The following CASZ1 variants were observed in gnomAD, a reference collection of about 807,000 sequenced individuals.
CASZ1 encodes zinc finger protein castor homolog 1.
A neutral mutation model predicts 135.2 loss-of-function variants in CASZ1; 28 were observed. The observed-to-expected ratio is 0.21, with a 90% CI of 0.15 to 0.28. The LOEUF (loss-of-function observed/expected upper bound fraction) is 0.28, where lower values mean the gene tolerates loss of function less well. Ranked by LOEUF, CASZ1 falls within the 10% of genes least tolerant of loss-of-function variation. The pLI is 1.00. For synonymous variants in CASZ1, 1,068 were observed against 1,073.4 expected (o/e 0.99, Z 0.10); for missense variants, 2,161 against 2,453.3 (o/e 0.88, Z 2.52).
chr1:10,649,562 T>C (rs2124676520), intron 13 of CASZ1, 125 bp from the exon 14 acceptor site: 1 of 1,117,190 alleles, frequency 9.0e-7, no homozygotes, highest in Non-Finnish European at 1.3e-6. Context: ...CAGCAGAGAA[T>C]GCGGCCCGCC....
chr1:10,744,017 T>C (rs1383585367), intron 2 of CASZ1, among the ~76,000 whole-genome samples: 1 of 152,078 alleles, frequency 6.6e-6, no homozygotes, highest in Non-Finnish European at 1.5e-5. Flanking sequence ...CAAAATTTAA[T>C]ACACTTGGCA....
Position 10,665,334 on chromosome 1 carries a change from C to A in CASZ1, c.254G>T (p.Arg85Leu). ...GTTCACCCACTTCTCGATCACTGCCCGTCTCTTGTCTTCCTCGCTGCGGGG... is the reference window on the plus strand; with the variant it reads ...GTTCACCCACTTCTCGATCACTGCCAGTCTCTTGTCTTCCTCGCTGCGGGG... Reference protein sequence around the residue: ...RAPRSEEDKRRAVIEKWVNGE... With the variant: ...RAPRSEEDKRLAVIEKWVNGE... Residue 85 changes from arginine (R) to leucine (L), a missense_variant, in exon 5 of 21, where the codon CGG becomes CTG. Around this residue, in one of 7 missense-constraint regions of CASZ1, gnomAD observed 590 missense variants for 609.8 expected, o/e 0.97. Transcript: ENST00000377022. 1 of 1,612,190 alleles carries A rather than the reference C, an allele frequency of 6.2e-7. No homozygotes were observed. The highest frequency in any genetic ancestry group is 8.5e-7 in the Non-Finnish European group (1 of 1,178,750).
At chr1:10,660,844 C>G (rs929306864) in intron 5 of CASZ1, 1 of 404,456 alleles carries the variant, frequency 2.5e-6, no homozygotes, top group South Asian at 3.3e-5. Flanking sequence ...TGTCTCCGCT[C>G]TCTCGCCTTG....
At chr1:10,695,007 G>T (rs1202632096) in intron 3 of CASZ1, among the ~76,000 whole-genome samples, 1 of 148,480 alleles carries the variant, frequency 6.7e-6, no homozygotes, top group Admixed American at 6.7e-5. Context: ...ACTTTTCCGC[G>T]AGGGCGGGCG....
rs1282851315 is a variant in CASZ1, at chr1:10,725,215, C to T, written c.-76-19671G>A. Among the ~76,000 whole-genome samples, 7 of 152,202 alleles carry T rather than the reference C, an allele frequency of 4.6e-5. No homozygotes were observed. The East Asian group carries it at 1.3e-3, about 29-fold the overall frequency. Reference sequence around the variant, plus strand: ...GTGACCATGTCACTGCCCAGGGCAGCCCGGTGACCGTGGACACAGGGCGGC... The same window carrying T: ...GTGACCATGTCACTGCCCAGGGCAGTCCGGTGACCGTGGACACAGGGCGGC... On this transcript the variant is annotated intron_variant, in intron 2 of 20. Transcript: ENST00000377022. The surrounding 1 kb of genome is among the most constrained non-coding windows in gnomAD (Gnocchi z 4.4).
At chr1:10,663,108 A>G (rs1643103240) in intron 5 of CASZ1, among the ~76,000 whole-genome samples, 1 of 152,204 alleles carries the variant, frequency 6.6e-6, no homozygotes, top group Non-Finnish European at 1.5e-5. Context: ...CTCATGTGCA[A>G]GCCAGCCACG....
chr1:10,751,169 G>A (rs917338206), intron 2 of CASZ1, among the ~76,000 whole-genome samples: 12 of 152,112 alleles, frequency 7.9e-5, no homozygotes, highest in Non-Finnish European at 1.5e-5. Flanking sequence ...AAAGATCTGA[G>A]CTTACAACCT....
At chr1:10,658,252 G>A (rs962048290) in intron 7 of CASZ1, 19 of 492,420 alleles carry the variant, frequency 3.9e-5, no homozygotes, top group African/African-American at 1.7e-4. Flanking sequence ...CAGGCCCTGC[G>A]TCGGGACCCC....
At chr1:10,748,105 A>T (rs1244902108) in intron 2 of CASZ1, among the ~76,000 whole-genome samples, 1 of 152,140 alleles carries the variant, frequency 6.6e-6, no homozygotes. Context: ...GGTGTGAGCC[A>T]CTGCGCCCGG....
At chr1:10,743,109 A>G (rs975682847) in intron 2 of CASZ1, among the ~76,000 whole-genome samples, 4 of 152,092 alleles carry the variant, frequency 2.6e-5, no homozygotes, top group African/African-American at 2.4e-5. Context: ...GTTTTCCCCA[A>G]ATAGGAGTCC....
intron 2 of CASZ1, among the ~76,000 whole-genome samples, chr1:10,748,615 C>A (rs1557549276): frequency 6.6e-6 from 1 of 152,174 alleles, no homozygotes; most frequent in Non-Finnish European, 1.5e-5. Flanking sequence ...CTCCATGGTA[C>A]CTCTTTCTCG....
Position 10,646,865 on chromosome 1 carries a change from C to T in CASZ1, c.3498-539G>A, listed in dbSNP as rs964906828. ...GCTGCTGGGCTCCCCAGGATCAACT[C>T]GGGGCCCATGGTGCCCACCCACTCA... On this transcript the variant is annotated intron_variant, in intron 16 of 20. Coordinates refer to ENST00000377022, the MANE Select transcript of CASZ1 (RefSeq NM_001079843.3). The surrounding 1 kb of genome is among the most constrained non-coding windows in gnomAD (Gnocchi z 6.4). Among the ~76,000 whole-genome samples, 2 of 152,184 alleles carry T rather than the reference C, an allele frequency of 1.3e-5. No individual in the cohort carries two copies. Among genetic ancestry groups the T allele is most frequent in the Non-Finnish European group, 2.9e-5 (2 of 68,020 alleles).
At position 10,788,928 on chromosome 1, in the gene CASZ1, C is replaced by A. The variant is rs1640905989; in HGVS notation, c.-234+7636G>T. 6.6e-6 allele frequency among the ~76,000 whole-genome samples: 1 copy of A among 152,204 alleles called. No individual in the cohort carries two copies. Among genetic ancestry groups the A allele is most frequent in the Admixed American group, 6.5e-5 (1 of 15,288 alleles). ...TGCAGAACCTCGCAGATCCTCTAAG[C>A]CACCTAGTGTCCAGAGCTGAGCTCT... On this transcript the variant is annotated intron_variant, in intron 1 of 20. Transcript: ENST00000377022. The surrounding 1 kb of genome is among the most constrained non-coding windows in gnomAD (Gnocchi z 4.1).
intron 4 of CASZ1, among the ~76,000 whole-genome samples, chr1:10,675,208 A>G (rs1643529801): frequency 6.6e-6 from 1 of 152,212 alleles, no homozygotes; most frequent in Non-Finnish European, 1.5e-5. Flanking sequence ...CAATAAAAAT[A>G]AAGGGATGTT....
At chr1:10,688,990 A>G (rs536116147) in intron 4 of CASZ1, among the ~76,000 whole-genome samples, 1 of 152,214 alleles carries the variant, frequency 6.6e-6, no homozygotes, top group East Asian at 1.9e-4. Flanking sequence ...TGAGGAGGAG[A>G]AGGAGGAAAA....
rs764529295 is a variant in CASZ1, at chr1:10,693,870, G to A, written c.16+4C>T. On this transcript the variant is annotated splice_donor_region_variant and intron_variant, in intron 4 of 20. Coordinates refer to ENST00000377022, the MANE Select transcript of CASZ1 (RefSeq NM_001079843.3). ...GCCGCCCCTGCGTTCCCACCGGCCG[G>A]TACCTGTTCCAAGATCCATTCTCTT... is the stretch of plus-strand genomic sequence containing the variant. 2.5e-6 allele frequency: 4 copies of A among 1,612,968 alleles called. No homozygotes were observed. The Admixed American group carries it at 6.7e-5, about 27-fold the overall frequency.
intron 2 of CASZ1, among the ~76,000 whole-genome samples, chr1:10,742,110 T>C (rs962469609): frequency 6.6e-6 from 1 of 152,014 alleles, no homozygotes; most frequent in African/African-American, 2.4e-5. Context: ...GACATGAACG[T>C]GATGTCCCAA....
At chr1:10,644,573 G>A (rs1337242480) in intron 18 of CASZ1, among the ~76,000 whole-genome samples, 4 of 152,210 alleles carry the variant, frequency 2.6e-5, no homozygotes, top group East Asian at 1.9e-4. Flanking sequence ...AGCAAAGAAC[G>A]TTGAACTCCT....
chr1:10,789,807 C>T (rs1038280586), intron 1 of CASZ1, among the ~76,000 whole-genome samples: 8 of 152,292 alleles, frequency 5.3e-5, no homozygotes, highest in Admixed American at 5.2e-4. Context: ...CTCACTCTGC[C>T]GGACTTTGAA....
Sources: allele counts gnomAD v4.1 joint callset (sites outside exome capture counted in the v4.1 genomes callset), GRCh38; gene constraint gnomAD v4.1.1; regional missense constraint gnomAD v4.1.1; non-coding constraint Gnocchi (gnomAD v3.1); transcripts MANE v1.5; gene names NCBI Gene and HGNC (gene_info 2026-07-23, HGNC 2026-07-21).